Variants in KRTAP1-5 observed in about 807,000 individuals in gnomAD.
KRTAP1-5 encodes keratin-associated protein 1-5.
KRTAP1-5 carries 10 observed loss-of-function variants against 14.2 expected under a neutral mutation model. The observed-to-expected ratio is 0.70, with a 90% CI of 0.43 to 1.19. The LOEUF (loss-of-function observed/expected upper bound fraction) is 1.19. Among genes scored for constraint, KRTAP1-5 ranks in the 50% most tolerant of loss-of-function variants. The pLI is 0.00. For synonymous variants in KRTAP1-5, 107 were observed against 80.2 expected, an observed-to-expected ratio of 1.33 and a Z score of -1.79; for missense variants, 234 against 223.5, an observed-to-expected ratio of 1.05 and a Z score of -0.30.
In KRTAP1-5 at chr17:41,026,825, C is replaced by T. The variant is rs754482364; in HGVS notation, c.331G>A (p.Ala111Thr). The change falls in exon 1 of 1, where the codon GCT becomes ACT. Residue 111 changes from alanine to threonine, a missense_variant. Transcript: ENST00000361883. ...CACCACCTGATACGGGTGCTCACAG[C>T]TCCACTGCTGCCCTCCTGGCCATAG... ...ISYGQEGSSG[A>T]VSTRIRWCRP... 1.2e-6 allele frequency: 2 copies of T among 1,612,504 alleles called. No individual in the cohort carries two copies. Among genetic ancestry groups the T allele is most frequent in the Non-Finnish European group, 1.7e-6 (2 of 1,179,992 alleles).
Position 41,026,765 on chromosome 17 carries a change from G to A in KRTAP1-5, c.391C>T (p.Pro131Ser), listed in dbSNP as rs781780441. The A allele has an allele frequency of 3.9e-5, 63 of 1,613,294 alleles. 1 individual carries two copies. In the South Asian group the frequency reaches 6.4e-4, roughly 16 times the overall value. ...GTGCAGCTCACCACACAGCAGGGGG[G>A]TAGGTAGGTGCCCTCCACACGACTG... is the stretch of plus-strand genomic sequence containing the variant. ...PDSRVEGTYLPPCCVVSCTPP... is the reference protein window; with the variant it reads ...PDSRVEGTYLSPCCVVSCTPP... Residue 131 changes from proline to serine, a missense_variant, in exon 1 of 1, where the codon CCC (proline) becomes TCC (serine). By Grantham distance (74) the Pro-to-Ser change is moderately conservative. Coordinates refer to ENST00000361883, the MANE Select transcript of KRTAP1-5 (RefSeq NM_031957.2).
Position 41,026,601 on chromosome 17 carries a change from C to A in KRTAP1-5, c.*30G>T, listed in dbSNP as rs1378031321. 1 of 1,570,980 alleles carries A rather than the reference C, an allele frequency of 6.4e-7. No individual in the cohort carries two copies. On this transcript the variant is annotated 3_prime_UTR_variant, in exon 1 of 1. Transcript: ENST00000361883. ...ATGAACAGTTCAGAGACACTGTGAC[C>A]TAGGCAATTGAAAATAAGCAAACTG...
rs745807594 is a variant in KRTAP1-5 at position 41,026,970 on chromosome 17, C to G, written c.186G>C (p.Gln62His). ...TSGTCSSSCC[Q>H]PSCCETSCCQ... ...AGCAGCTGGTCTCACAGCAGCTTGG[C>G]TGGCAGCAACTGGAGCTGCAGGTCC... The change falls in exon 1 of 1, where the codon CAG becomes CAC. Residue 62 changes from glutamine (Q) to histidine (H), a missense_variant. By Grantham distance (24) the Gln-to-His change is conservative (BLOSUM62 0). Transcript: ENST00000361883. 1 of 1,608,716 alleles carries G rather than the reference C, an allele frequency of 6.2e-7. No individual in the cohort carries two copies. The highest frequency in any genetic ancestry group is 8.5e-7 in the Non-Finnish European group (1 of 1,178,994).
Position 41,027,110 on chromosome 17 carries a change from T to C in KRTAP1-5, c.46A>G (p.Ile16Val), listed in dbSNP as rs538750065. 1.2e-6 allele frequency: 2 copies of C among 1,614,196 alleles called. No homozygotes were observed. Among genetic ancestry groups the C allele is most frequent in the East Asian group, 4.5e-5 (2 of 44,890 alleles). The change falls in exon 1 of 1, where the codon ATC (isoleucine) becomes GTC (valine). Residue 16 changes from isoleucine to valine, a missense_variant. By Grantham distance (29) the Ile-to-Val change is conservative (BLOSUM62 3). Coordinates refer to ENST00000361883, the MANE Select transcript of KRTAP1-5 (RefSeq NM_031957.2). ...CAGCTGGAGCCACAGGTCCCACTGA[T>C]GGAGAAGCTGGGATATCCACAGAAG... ...TSFCGYPSFS[I>V]SGTCGSSCCQ... is the part of the protein sequence containing the mutation.
Position 41,027,087 on chromosome 17 carries a change from G to C in KRTAP1-5, c.69C>G (p.Ser23Arg). 6.2e-7 allele frequency: 1 copy of C among 1,613,642 alleles called. No homozygotes were observed. The highest frequency in any genetic ancestry group is 1.3e-5 in the African/African-American group (1 of 74,792). Residue 23 changes from serine (S) to arginine (R), a missense_variant, in exon 1 of 1, where the codon AGC becomes AGG. Coordinates refer to ENST00000361883, the MANE Select transcript of KRTAP1-5 (RefSeq NM_031957.2). Reference sequence around the variant, plus strand: ...TCTCACAGCAGCTTGGCTGGCAGCAGCTGGAGCCACAGGTCCCACTGATGG... The same window carrying C: ...TCTCACAGCAGCTTGGCTGGCAGCACCTGGAGCCACAGGTCCCACTGATGG... The part of the protein sequence containing the change: ...SFSISGTCGS[S>R]CCQPSCCETS...
rs1249712284 is a variant in KRTAP1-5 at position 41,026,506 on chromosome 17, T to C, written c.*125A>G. 6 of 1,017,028 alleles carry C rather than the reference T, an allele frequency of 5.9e-6. No individual in the cohort carries two copies. Among genetic ancestry groups the C allele is most frequent in the Non-Finnish European group, 8.7e-6 (6 of 688,532 alleles). The allele number at this position is 1,017,028 out of a possible 1,614,324, so 63.0% of individuals were successfully genotyped here. ...AATCAGATAGAATTGTGAGCTCATA[T>C]ACTTAGTAGTCTCCATCACAAGCAA... On this transcript the variant is annotated 3_prime_UTR_variant, in exon 1 of 1. Coordinates refer to ENST00000361883, the MANE Select transcript of KRTAP1-5 (RefSeq NM_031957.2).
rs2012317316 is a variant in KRTAP1-5, at chr17:41,026,112, C to G, written c.*519G>C. The G allele has an allele frequency of 6.5e-6, 1 of 154,100 alleles. No homozygotes were observed. 9.5% of individuals were successfully genotyped at this position (154,100 alleles called of 1,614,324 possible). A position where few individuals can be genotyped will look rare whatever the true frequency, so the allele number is the denominator to read the frequency against. ...AACTGAAATATCCAGCAGGCAAGATCATTATGATCCAAAAACCAAGGGATG... is the reference window on the plus strand; with the variant it reads ...AACTGAAATATCCAGCAGGCAAGATGATTATGATCCAAAAACCAAGGGATG... On this transcript the variant is annotated 3_prime_UTR_variant, in exon 1 of 1. Coordinates refer to ENST00000361883, the MANE Select transcript of KRTAP1-5 (RefSeq NM_031957.2).
Position 41,026,531 on chromosome 17 carries a change from A to G in KRTAP1-5, c.*100T>C. The G allele has an allele frequency of 7.7e-7, 1 of 1,306,706 alleles. No homozygotes were observed. The highest frequency in any genetic ancestry group is 1.1e-6 in the Non-Finnish European group (1 of 943,736). The allele number at this position is 1,306,706 out of a possible 1,614,324, so 80.9% of individuals were successfully genotyped here. ...TACTTAGTAGTCTCCATCACAAGCA[A>G]TGCAAAGTCTGAGAACTTGTTAGTG... On this transcript the variant is annotated 3_prime_UTR_variant, in exon 1 of 1. Coordinates refer to ENST00000361883, the MANE Select transcript of KRTAP1-5 (RefSeq NM_031957.2).
rs2012346299 is a variant in KRTAP1-5 at position 41,026,954 on chromosome 17, T to C, written c.202A>G (p.Thr68Ala). 6.2e-7 allele frequency: 1 copy of C among 1,611,474 alleles called. No individual in the cohort carries two copies. Among genetic ancestry groups the C allele is most frequent in the Non-Finnish European group, 8.5e-7 (1 of 1,179,318 alleles). Residue 68 changes from threonine (T) to alanine (A), a missense_variant, in exon 1 of 1, where the codon ACC becomes GCC. Thr to Ala is a moderately conservative substitution (Grantham distance 58). Transcript: ENST00000361883. ...SSCCQPSCCE[T>A]SCCQPSCCET... Reference sequence around the variant, plus strand: ...CAGCAGCTTGGCTGGCAGCAGCTGGTCTCACAGCAGCTTGGCTGGCAGCAA... The same window carrying C: ...CAGCAGCTTGGCTGGCAGCAGCTGGCCTCACAGCAGCTTGGCTGGCAGCAA...
At position 41,026,470 on chromosome 17, in the gene KRTAP1-5, T is replaced by C. The variant is rs141956422; in HGVS notation, c.*161A>G. 1,950 of 757,074 alleles carry C rather than the reference T, an allele frequency of 2.6e-3. 30 individuals carry two copies. In the African/African-American group the frequency reaches 0.03, roughly 12 times the overall value. The allele number at this position is 757,074 out of a possible 1,614,324, so 46.9% of individuals were successfully genotyped here. A position where few individuals can be genotyped will look rare whatever the true frequency, so the allele number is the denominator to read the frequency against. ...CCCCAGTGAAGGGTCAAGGTATTCA[T>C]TGTAGAATGGAATCAGATAGAATTG... is the stretch of plus-strand genomic sequence containing the variant. On this transcript the variant is annotated 3_prime_UTR_variant, in exon 1 of 1. Transcript: ENST00000361883.
chr17:41,026,289 A>G lies in KRTAP1-5; in HGVS notation c.*342T>C, dbSNP rs2012321756. ...CAAAAAATTTTAGGTAAACAAGATA[A>G]AATAGATTATAAAGCATGGAAACAT... On this transcript the variant is annotated 3_prime_UTR_variant, in exon 1 of 1. Transcript: ENST00000361883. The G allele has an allele frequency of 3.7e-6, 1 of 268,414 alleles. No individual in the cohort carries two copies. The highest frequency in any genetic ancestry group is 4.9e-5 in the Admixed American group (1 of 20,308). The allele number at this position is 268,414 out of a possible 1,614,324, so 16.6% of individuals were successfully genotyped here. A position where few individuals can be genotyped will look rare whatever the true frequency, so the allele number is the denominator to read the frequency against.
Position 41,026,543 on chromosome 17 carries a change from A to C in KRTAP1-5, c.*88T>G, listed in dbSNP as rs898412989. ...TCCATCACAAGCAATGCAAAGTCTGAGAACTTGTTAGTGGTCCAGAGGTGG... is the reference window on the plus strand; with the variant it reads ...TCCATCACAAGCAATGCAAAGTCTGCGAACTTGTTAGTGGTCCAGAGGTGG... On this transcript the variant is annotated 3_prime_UTR_variant, in exon 1 of 1. Coordinates refer to ENST00000361883, the MANE Select transcript of KRTAP1-5 (RefSeq NM_031957.2). The C allele has an allele frequency of 2.8e-6, 4 of 1,410,862 alleles. No individual in the cohort carries two copies. The highest frequency in any genetic ancestry group is 2.2e-5 in the Admixed American group (1 of 44,798). 87.4% of individuals were successfully genotyped at this position (1,410,862 alleles called of 1,614,324 possible). A position where few individuals can be genotyped will look rare whatever the true frequency, so the allele number is the denominator to read the frequency against.
In KRTAP1-5 at chr17:41,026,407, AT is replaced by A; in HGVS notation, c.*223del. ...ATCAGAAATAGTATATCCCAAGCAA[AT>A]TGATGATCAGCAGGTGGCTTTGTAG... On this transcript the variant is annotated 3_prime_UTR_variant, in exon 1 of 1. Coordinates refer to ENST00000361883, the MANE Select transcript of KRTAP1-5 (RefSeq NM_031957.2). 1 of 520,916 alleles carries A rather than the reference AT, an allele frequency of 1.9e-6. No homozygotes were observed. Among genetic ancestry groups the A allele is most frequent in the South Asian group, 4.3e-5 (1 of 23,256 alleles). 32.3% of individuals were successfully genotyped at this position (520,916 alleles called of 1,614,324 possible).
At position 41,026,628 on chromosome 17, in the gene KRTAP1-5, C is replaced by G; in HGVS notation, c.*3G>C. On this transcript the variant is annotated 3_prime_UTR_variant, in exon 1 of 1. Coordinates refer to ENST00000361883, the MANE Select transcript of KRTAP1-5 (RefSeq NM_031957.2). The stretch of plus-strand genomic sequence containing the variant: ...AGGCAATTGAAAATAAGCAAACTGG[C>G]TTTCAGCAAGTGGGCTCACAGCAGC... 6.3e-7 allele frequency: 1 copy of G among 1,590,412 alleles called. No individual in the cohort carries two copies. Among genetic ancestry groups the G allele is most frequent in the Admixed American group, 1.7e-5 (1 of 58,812 alleles).
chr17:41,026,538 G>A lies in KRTAP1-5; in HGVS notation c.*93C>T. On this transcript the variant is annotated 3_prime_UTR_variant, in exon 1 of 1. Coordinates refer to ENST00000361883, the MANE Select transcript of KRTAP1-5 (RefSeq NM_031957.2). ...TAGTCTCCATCACAAGCAATGCAAA[G>A]TCTGAGAACTTGTTAGTGGTCCAGA... 7.3e-7 allele frequency: 1 copy of A among 1,367,794 alleles called. No individual in the cohort carries two copies. Among genetic ancestry groups the A allele is most frequent in the Admixed American group, 2.2e-5 (1 of 44,650 alleles). 84.7% of individuals were successfully genotyped at this position (1,367,794 alleles called of 1,614,324 possible).
Position 41,026,616 on chromosome 17 carries a change from T to A in KRTAP1-5, c.*15A>T. On this transcript the variant is annotated 3_prime_UTR_variant, in exon 1 of 1. Transcript: ENST00000361883. ...ACACTGTGACCTAGGCAATTGAAAATAAGCAAACTGGCTTTCAGCAAGTGG... is the reference window on the plus strand; with the variant it reads ...ACACTGTGACCTAGGCAATTGAAAAAAAGCAAACTGGCTTTCAGCAAGTGG... The A allele has an allele frequency of 6.3e-7, 1 of 1,580,998 alleles. No homozygotes were observed. Among genetic ancestry groups the A allele is most frequent in the Non-Finnish European group, 8.6e-7 (1 of 1,161,098 alleles).
rs1331853620 is a variant in KRTAP1-5, at chr17:41,026,663, G to A, written c.493C>T (p.Arg165Cys). The A allele has an allele frequency of 5.6e-6, 9 of 1,607,064 alleles. No homozygotes were observed. The highest frequency in any genetic ancestry group is 1.7e-5 in the Admixed American group (1 of 59,658). Reference protein sequence around the residue: ...RPSYCGQSCCRPVCCCEPTC With the variant: ...RPSYCGQSCCCPVCCCEPTC ...GTGGGCTCACAGCAGCAGACTGGGC[G>A]GCAGCAGGACTGTCCACAGTAGGAC... The change falls in exon 1 of 1, where the codon CGC becomes TGC. Residue 165 changes from arginine (R) to cysteine (C), a missense_variant. Transcript: ENST00000361883.
At position 41,026,389 on chromosome 17, in the gene KRTAP1-5, A is replaced by G; in HGVS notation, c.*242T>C. The G allele has an allele frequency of 2.1e-6, 1 of 472,892 alleles. No individual in the cohort carries two copies. 29.3% of individuals were successfully genotyped at this position (472,892 alleles called of 1,614,324 possible). On this transcript the variant is annotated 3_prime_UTR_variant, in exon 1 of 1. Coordinates refer to ENST00000361883, the MANE Select transcript of KRTAP1-5 (RefSeq NM_031957.2). ...TTTTAATCCTGCAGAAATATCAGAA[A>G]TAGTATATCCCAAGCAAATTGATGA...
chr17:41,026,331 T>C lies in KRTAP1-5; in HGVS notation c.*300A>G. 1 of 398,706 alleles carries C rather than the reference T, an allele frequency of 2.5e-6. No individual in the cohort carries two copies. Among genetic ancestry groups the C allele is most frequent in the Non-Finnish European group, 4.5e-6 (1 of 223,960 alleles). 24.7% of individuals were successfully genotyped at this position (398,706 alleles called of 1,614,324 possible). A position where few individuals can be genotyped will look rare whatever the true frequency, so the allele number is the denominator to read the frequency against. ...TGGAAACATTAGACTTGTGGATAGTTCTCATGGATAAATTCCACAACATGT... is the reference window on the plus strand; with the variant it reads ...TGGAAACATTAGACTTGTGGATAGTCCTCATGGATAAATTCCACAACATGT... On this transcript the variant is annotated 3_prime_UTR_variant, in exon 1 of 1. Coordinates refer to ENST00000361883, the MANE Select transcript of KRTAP1-5 (RefSeq NM_031957.2).
Sources: gnomAD v4.1 joint callset for allele counts on GRCh38, gnomAD v4.1.1 for gene constraint, MANE v1.5 for transcripts, NCBI Gene and HGNC (gene_info 2026-07-23, HGNC 2026-07-21) for gene names.